Variants in CADM2 observed in about 807,000 individuals in gnomAD.
CADM2 encodes the protein immunoglobulin superfamily member 4D.
Under a neutral mutation model 49.8 loss-of-function variants are expected in CADM2, and 12 were observed. That is an observed-to-expected ratio of 0.24 (90% CI 0.15 to 0.39). The LOEUF is 0.39. Ranked by LOEUF, CADM2 falls within the 10% of genes least tolerant of loss-of-function variation. The probability of loss-of-function intolerance (pLI) is 1.00; values close to 1 mark genes in which losing one functional copy is unlikely to be tolerated. For missense variants in CADM2, 378 were observed against 492.3 expected (o/e 0.77, Z 2.20); for synonymous variants, 214 against 175.4 (o/e 1.22, Z -1.74).
intron 1 of CADM2, among the ~76,000 whole-genome samples, chr3:85,106,422 A>G (rs139023377): frequency 6.6e-6 from 1 of 152,256 alleles, no homozygotes; most frequent in Non-Finnish European, 1.5e-5. Context: ...CCTGGTTTGA[A>G]GTGTTAGTGA....
At chr3:85,938,215 T>G (rs1721418148) in intron 7 of CADM2, among the ~76,000 whole-genome samples, 1 of 152,014 alleles carries the variant, frequency 6.6e-6, no homozygotes, top group African/African-American at 2.4e-5. Flanking sequence ...TTTCTGTAGT[T>G]TATATACTAT....
At chr3:85,752,592 G>A (rs1182901040) in intron 2 of CADM2, among the ~76,000 whole-genome samples, 1 of 151,926 alleles carries the variant, frequency 6.6e-6, no homozygotes, top group Non-Finnish European at 1.5e-5. Flanking sequence ...CTTTTGCATT[G>A]TTACCCAGGA....
chr3:85,612,771 G>A (rs2063711664), intron 1 of CADM2, among the ~76,000 whole-genome samples: 1 of 151,578 alleles, frequency 6.6e-6, no homozygotes, highest in South Asian at 2.1e-4. Context: ...ATACAAAATA[G>A]GAACAAAAAT....
At chr3:85,424,699 T>C (rs2036321248) in intron 1 of CADM2, among the ~76,000 whole-genome samples, 1 of 152,236 alleles carries the variant, frequency 6.6e-6, no homozygotes, top group Non-Finnish European at 1.5e-5. Context: ...GCTGTTGTTC[T>C]CTTTGAGGAA....
At chr3:85,434,319 CT>C (rs1379222691) in intron 1 of CADM2, among the ~76,000 whole-genome samples, 6 of 151,786 alleles carry the variant, frequency 4.0e-5, no homozygotes, top group African/African-American at 1.4e-4. Context: ...TCCTGGCTTA[CT>C]ATTTTCATTT....
intron 1 of CADM2, among the ~76,000 whole-genome samples, chr3:85,266,191 A>C (rs1003287260): frequency 6.6e-6 from 1 of 151,898 alleles, no homozygotes; most frequent in Non-Finnish European, 1.5e-5. Flanking sequence ...ATATGCCATA[A>C]ATAAAAATAT....
chr3:85,035,935 C>A (rs2035192103), intron 1 of CADM2, among the ~76,000 whole-genome samples: 1 of 152,138 alleles, frequency 6.6e-6, no homozygotes, highest in Non-Finnish European at 1.5e-5. Flanking sequence ...AATAAATAAT[C>A]GTAACTGCTG....
intron 1 of CADM2, among the ~76,000 whole-genome samples, chr3:85,136,951 A>C (rs183236093): frequency 2.0e-5 from 3 of 152,028 alleles, no homozygotes; most frequent in African/African-American, 7.2e-5. Context: ...ATTTAAAAAT[A>C]TGCAAATAAG....
chr3:85,158,798 A>G (rs2040223387), intron 1 of CADM2, among the ~76,000 whole-genome samples: 1 of 152,172 alleles, frequency 6.6e-6, no homozygotes, highest in Non-Finnish European at 1.5e-5. Flanking sequence ...ATATGTAACT[A>G]ACTTGCACAT....
At chr3:85,819,277 T>C (rs761189386) in intron 3 of CADM2, among the ~76,000 whole-genome samples, 6 of 152,146 alleles carry the variant, frequency 3.9e-5, no homozygotes, top group African/African-American at 2.4e-5. Flanking sequence ...CCCACCCACA[T>C]TGAGAGTGGG....
chr3:85,173,731 G>A (rs1325931875), intron 1 of CADM2, among the ~76,000 whole-genome samples: 1 of 152,166 alleles, frequency 6.6e-6, no homozygotes, highest in Non-Finnish European at 1.5e-5. Context: ...AACAATTCAA[G>A]TTTTAAGCTA....
chr3:85,803,624 A>G (rs2072210533), intron 3 of CADM2, among the ~76,000 whole-genome samples: 1 of 152,072 alleles, frequency 6.6e-6, no homozygotes, highest in African/African-American at 2.4e-5. Flanking sequence ...GGTAGGCTGG[A>G]GACCCAAAGA....
At chr3:85,061,188 A>G (rs912638953) in intron 1 of CADM2, among the ~76,000 whole-genome samples, 2 of 152,172 alleles carry the variant, frequency 1.3e-5, no homozygotes, top group Non-Finnish European at 2.9e-5. Flanking sequence ...TATCTCCAGC[A>G]TAGTATTTAT....
chr3:85,117,770 GT>G (rs999781510), intron 1 of CADM2, among the ~76,000 whole-genome samples: 1 of 152,070 alleles, frequency 6.6e-6, no homozygotes, highest in African/African-American at 2.4e-5. Flanking sequence ...AAAATTGGAG[GT>G]TTTAAATACT....
At chr3:85,777,557 T>C (rs1265938121) in intron 2 of CADM2, among the ~76,000 whole-genome samples, 4 of 152,126 alleles carry the variant, frequency 2.6e-5, no homozygotes, top group Non-Finnish European at 4.4e-5. Context: ...CCTGGCCTGC[T>C]ATATTTTAAA....
intron 3 of CADM2, among the ~76,000 whole-genome samples, chr3:85,881,896 C>T (rs1021353035): frequency 2.6e-5 from 4 of 152,044 alleles, no homozygotes; most frequent in African/African-American, 7.2e-5. Flanking sequence ...ATAAGGGGCA[C>T]GCAACCTAGA....
At chr3:85,128,767 C>T (rs1283285221) in intron 1 of CADM2, among the ~76,000 whole-genome samples, 1 of 152,076 alleles carries the variant, frequency 6.6e-6, no homozygotes, top group African/African-American at 2.4e-5. Context: ...TATGTGGGTG[C>T]ATCAGAAGCA....
chr3:85,009,906 A>AATAAATAC (rs1442140371), intron 1 of CADM2, among the ~76,000 whole-genome samples: 1 of 146,696 alleles, frequency 6.8e-6, no homozygotes, highest in African/African-American at 2.6e-5. Flanking sequence ...TAAATAAATA[A>AATAAATAC]ATATTTTAAA....
intron 1 of CADM2, among the ~76,000 whole-genome samples, chr3:85,349,887 C>G (rs935226188): frequency 6.6e-6 from 1 of 152,076 alleles, no homozygotes; most frequent in Admixed American, 6.6e-5. Context: ...CACAACCGTT[C>G]AGGATTGGTA....
Sources: allele counts gnomAD v4.1 joint callset (sites outside exome capture counted in the v4.1 genomes callset), GRCh38; gene constraint gnomAD v4.1.1; transcripts MANE v1.5; gene names NCBI Gene and HGNC (gene_info 2026-07-23, HGNC 2026-07-21).